The following DGKG variants were observed in gnomAD, a reference collection of about 807,000 sequenced individuals.
The protein encoded by DGKG is diacylglycerol kinase gamma.
In DGKG, 78 loss-of-function variants were observed where a neutral mutation model predicts 105.3. That is an observed-to-expected ratio of 0.74 (90% CI 0.62 to 0.89). The LOEUF (loss-of-function observed/expected upper bound fraction) is 0.89. Among genes scored for constraint, DGKG ranks in the 40% least tolerant of loss-of-function variants. DGKG has a pLI of 0.00. For synonymous variants in DGKG, 346 were observed against 367.1 expected (o/e 0.94, Z 0.66); for missense variants, 958 against 1,020.1 (o/e 0.94, Z 0.83).
chr3:186,245,920 A>C (rs6764431), intron 19 of DGKG, among the ~76,000 whole-genome samples: 13,794 of 150,314 alleles, frequency 0.092, 869 homozygotes, highest in African/African-American at 0.18. Context: ...ACAAACAAAA[A>C]AACAACAACA....
intron 20 of DGKG, among the ~76,000 whole-genome samples, chr3:186,235,554 G>C (rs1407839222): frequency 6.6e-6 from 1 of 152,166 alleles, no homozygotes; most frequent in East Asian, 1.9e-4. Context: ...TACCTCACAG[G>C]GCGCCAGGAA....
At chr3:186,315,358 T>G (rs537197540) in intron 2 of DGKG, among the ~76,000 whole-genome samples, 2 of 152,336 alleles carry the variant, frequency 1.3e-5, no homozygotes, top group African/African-American at 4.8e-5. Flanking sequence ...ACTGAGCTAT[T>G]TTAATACAAC....
chr3:186,292,256 T>C (rs1242625458), intron 5 of DGKG, among the ~76,000 whole-genome samples: 1 of 152,048 alleles, frequency 6.6e-6, no homozygotes, highest in African/African-American at 2.4e-5. Context: ...TGTGGCATAG[T>C]GGGAAGAGCA....
chr3:186,237,335 C>T (rs1175748666), intron 20 of DGKG, among the ~76,000 whole-genome samples: 2 of 152,148 alleles, frequency 1.3e-5, no homozygotes, highest in Admixed American at 6.5e-5. Flanking sequence ...CTTTGCTGTC[C>T]CATTTTTGAG....
chr3:186,174,652 CTGTGTGTGTGTGTGTGTGTGTGTGTG>C (rs67342971), intron 22 of DGKG, among the ~76,000 whole-genome samples: 14 of 145,832 alleles, frequency 9.6e-5, no homozygotes, highest in Non-Finnish European at 1.8e-4. Context: ...TTCCCTGCGG[CTGTGTGTGTGTGTGTGTGTGTGTGTG>C]TGTGTGTGTG....
rs760426657 is a variant in DGKG, at chr3:186,231,058, AT to A, written c.1826+11445del. Among the ~76,000 whole-genome samples, 215 of 152,228 alleles carry A rather than the reference AT, an allele frequency of 1.4e-3. 1 individual carries two copies. Among genetic ancestry groups the A allele is most frequent in the African/African-American group, 5.0e-3 (206 of 41,544 alleles). The stretch of plus-strand genomic sequence containing the variant: ...AGAGAATTCTTTACTTTTAGAGCAC[AT>A]TTTTTCCCTCTCTCATTCTTTCCTG... On this transcript the variant is annotated intron_variant, in intron 20 of 24. Coordinates refer to ENST00000265022, the MANE Select transcript of DGKG (RefSeq NM_001346.3). This position sits in a 1 kb window ranked among gnomAD's most constrained non-coding sequence, Gnocchi z 4.5.
At chr3:186,165,072 A>G in intron 22 of DGKG, 54 bp from the exon 23 acceptor site, 1 of 1,569,110 alleles carries the variant, frequency 6.4e-7, no homozygotes, top group South Asian at 1.2e-5. Context: ...TTCCTCAGAC[A>G]AGTTCTGGCC....
At chr3:186,253,701 A>G (rs968101219) in intron 17 of DGKG, among the ~76,000 whole-genome samples, 1 of 152,210 alleles carries the variant, frequency 6.6e-6, no homozygotes, top group Non-Finnish European at 1.5e-5. Flanking sequence ...AATGGCAGAC[A>G]GGGAAAGTAA....
intron 3 of DGKG, among the ~76,000 whole-genome samples, chr3:186,300,831 G>A (rs965944700): frequency 6.6e-6 from 1 of 152,206 alleles, no homozygotes; most frequent in Admixed American, 6.5e-5. Flanking sequence ...ATCAGCATGA[G>A]ATTCAGGAAA....
intron 20 of DGKG, among the ~76,000 whole-genome samples, chr3:186,230,145 C>T (rs1255314038): frequency 6.6e-6 from 1 of 152,140 alleles, no homozygotes; most frequent in Admixed American, 6.5e-5. Context: ...GTAGTCCCAG[C>T]TACTTGGGAG....
intron 1 of DGKG, among the ~76,000 whole-genome samples, chr3:186,342,134 T>C (rs1436278852): frequency 5.3e-5 from 8 of 152,122 alleles, no homozygotes; most frequent in Non-Finnish European, 1.0e-4. Flanking sequence ...ACCTGCACAA[T>C]GTGCACATGT....
At chr3:186,335,701 T>C (rs748760455) in intron 1 of DGKG, among the ~76,000 whole-genome samples, 1 of 152,172 alleles carries the variant, frequency 6.6e-6, no homozygotes, top group Non-Finnish European at 1.5e-5. Context: ...TATATGCCAA[T>C]AGCCTTAAAA....
intron 1 of DGKG, among the ~76,000 whole-genome samples, chr3:186,338,379 G>A (rs973371571): frequency 6.6e-6 from 1 of 151,982 alleles, no homozygotes; most frequent in Non-Finnish European, 1.5e-5. Flanking sequence ...CTACGTGACT[G>A]GTAAAATTTT....
At chr3:186,268,491 T>C (rs1380881579) in intron 12 of DGKG, among the ~76,000 whole-genome samples, 1 of 152,206 alleles carries the variant, frequency 6.6e-6, no homozygotes, top group African/African-American at 2.4e-5. Flanking sequence ...CCCTAGGTGA[T>C]AGCCAGGTAA....
intron 21 of DGKG, among the ~76,000 whole-genome samples, chr3:186,197,803 G>A (rs923851481): frequency 1.3e-5 from 2 of 152,144 alleles, no homozygotes; most frequent in East Asian, 1.9e-4. Flanking sequence ...TGCTGTACAC[G>A]CTGCCTAAAC....
intron 21 of DGKG, among the ~76,000 whole-genome samples, chr3:186,197,132 C>T (rs147684463): frequency 1.3e-5 from 2 of 151,986 alleles, no homozygotes; most frequent in African/African-American, 2.4e-5. Flanking sequence ...CCTTTCTCAG[C>T]GAGTGAGAGA....
intron 21 of DGKG, among the ~76,000 whole-genome samples, chr3:186,199,872 G>T (rs1718364968): frequency 6.6e-6 from 1 of 152,084 alleles, no homozygotes. Flanking sequence ...AGGAAGGAAT[G>T]TCTTTCCAAA....
chr3:186,249,464 T>G (rs73056119), intron 19 of DGKG, among the ~76,000 whole-genome samples: 278 of 152,322 alleles, frequency 1.8e-3, no homozygotes, highest in African/African-American at 6.5e-3. Context: ...TTTGGTAAAT[T>G]TTAAATCCTT....
At chr3:186,243,784 C>T (rs1453929807) in intron 19 of DGKG, among the ~76,000 whole-genome samples, 1 of 151,950 alleles carries the variant, frequency 6.6e-6, no homozygotes, top group Non-Finnish European at 1.5e-5. Context: ...GAAAAATATA[C>T]AAACCCATTT....
Sources: allele counts gnomAD v4.1 joint callset (sites outside exome capture counted in the v4.1 genomes callset), GRCh38; gene constraint gnomAD v4.1.1; non-coding constraint Gnocchi (gnomAD v3.1); transcripts MANE v1.5; gene names NCBI Gene and HGNC (gene_info 2026-07-23, HGNC 2026-07-21).